Variants in PLXDC2 observed in about 807,000 individuals in gnomAD.
PLXDC2 encodes plexin domain-containing protein 2.
Under a neutral mutation model 68.9 loss-of-function variants are expected in PLXDC2, and 40 were observed. That is an observed-to-expected ratio of 0.58 (90% CI 0.45 to 0.76). The LOEUF (loss-of-function observed/expected upper bound fraction) is 0.76, where lower values mean the gene tolerates loss of function less well. PLXDC2 is among the 30% of genes least tolerant of loss of function. The probability of loss-of-function intolerance (pLI) is 0.00; values close to 1 mark genes in which losing one functional copy is unlikely to be tolerated. For synonymous variants in PLXDC2, 243 were observed against 234.2 expected (o/e 1.04, Z -0.34); for missense variants, 644 against 661.9 (o/e 0.97, Z 0.30).
intron 1 of PLXDC2, among the ~76,000 whole-genome samples, chr10:19,906,300 C>A (rs906185666): frequency 6.6e-6 from 1 of 152,082 alleles, no homozygotes; most frequent in East Asian, 1.9e-4. Context: ...TCACAGATCC[C>A]AGGAGAAGGA....
chr10:20,166,402 C>G (rs1473554049), intron 7 of PLXDC2, among the ~76,000 whole-genome samples: 1 of 152,056 alleles, frequency 6.6e-6, no homozygotes, highest in Admixed American at 6.6e-5. Context: ...CTAAATTGTA[C>G]TGTGAACAAA....
At chr10:19,964,894 C>T (rs1834223076) in intron 1 of PLXDC2, among the ~76,000 whole-genome samples, 1 of 152,162 alleles carries the variant, frequency 6.6e-6, no homozygotes, top group Admixed American at 6.5e-5. Context: ...CTGTTGCAAC[C>T]ACTTTGCAAT....
chr10:19,876,163 A>T (rs1837627268), intron 1 of PLXDC2, among the ~76,000 whole-genome samples: 1 of 152,084 alleles, frequency 6.6e-6, no homozygotes, highest in Non-Finnish European at 1.5e-5. Context: ...ACCAGAAGGA[A>T]AAAAAATAGG....
chr10:20,028,137 G>T (rs746223857), intron 2 of PLXDC2, among the ~76,000 whole-genome samples: 4 of 152,186 alleles, frequency 2.6e-5, no homozygotes, highest in South Asian at 4.1e-4. Flanking sequence ...GGACATTTCA[G>T]CTAATTGGTG....
At chr10:20,040,143 A>G (rs996924226) in intron 2 of PLXDC2, among the ~76,000 whole-genome samples, 1 of 152,128 alleles carries the variant, frequency 6.6e-6, no homozygotes, top group African/African-American at 2.4e-5. Context: ...CAGCTCTGGA[A>G]AACAAGAAAC....
rs370322989 is a variant in PLXDC2, at chr10:20,287,059, A to C, written c.*7240A>C. On this transcript the variant is annotated 3_prime_UTR_variant, in exon 14 of 14. Coordinates refer to ENST00000377252, the MANE Select transcript of PLXDC2 (RefSeq NM_032812.9). ...CTTCTTAAGAGCAATGTGCTAATAA[A>C]TACTCATTGATGACCAGCTCAAATT... The C allele has an allele frequency of 4.6e-5, 7 of 152,190 alleles. No individual in the cohort carries two copies. The highest frequency in any genetic ancestry group is 1.7e-4 in the African/African-American group (7 of 41,428). 9.4% of individuals were successfully genotyped at this position (152,190 alleles called of 1,614,324 possible). A position where few individuals can be genotyped will look rare whatever the true frequency, so the allele number is the denominator to read the frequency against.
intron 1 of PLXDC2, among the ~76,000 whole-genome samples, chr10:19,980,913 T>C (rs1410553583): frequency 1.3e-5 from 2 of 152,222 alleles, no homozygotes; most frequent in Non-Finnish European, 2.9e-5. Flanking sequence ...TTTTGTTGTA[T>C]TTTTCACTTT....
At chr10:20,044,207 C>CTCTTTCTTTCTTTCTT (rs1564293827) in intron 2 of PLXDC2, among the ~76,000 whole-genome samples, 3 of 89,958 alleles carry the variant, frequency 3.3e-5, no homozygotes, top group Non-Finnish European at 6.6e-5. Context: ...CTCTCTCTCT[C>CTCTTTCTTTCTTTCTT]TCTGTCTTTC....
intron 12 of PLXDC2, among the ~76,000 whole-genome samples, chr10:20,243,005 C>A (rs1835538123): frequency 6.6e-6 from 1 of 152,198 alleles, no homozygotes; most frequent in African/African-American, 2.4e-5. Context: ...AGCCACCACG[C>A]CTGGCTCCAA....
At chr10:19,987,843 C>T (rs1834673617) in intron 1 of PLXDC2, among the ~76,000 whole-genome samples, 1 of 152,150 alleles carries the variant, frequency 6.6e-6, no homozygotes, top group Non-Finnish European at 1.5e-5. Flanking sequence ...GCTGGGATTA[C>T]AGGCGTGAGC....
chr10:20,062,164 G>A lies in PLXDC2; in HGVS notation c.472-6006G>A, dbSNP rs187657823. ...AAATAGGCTGGGCACGGTGGCTCACGCCTGTAATCCCAGCACTTTGGGAGG... is the reference window on the plus strand; with the variant it reads ...AAATAGGCTGGGCACGGTGGCTCACACCTGTAATCCCAGCACTTTGGGAGG... On this transcript the variant is annotated intron_variant, in intron 3 of 13. Coordinates refer to ENST00000377252, the MANE Select transcript of PLXDC2 (RefSeq NM_032812.9). 5.3e-5 allele frequency among the ~76,000 whole-genome samples: 8 copies of A among 152,242 alleles called. No homozygotes were observed. In the East Asian group the frequency reaches 9.7e-4, roughly 18 times the overall value.
At chr10:20,151,692 T>C (rs2131801836) in intron 6 of PLXDC2, among the ~76,000 whole-genome samples, 1 of 152,268 alleles carries the variant, frequency 6.6e-6, no homozygotes, top group East Asian at 1.9e-4. Flanking sequence ...ATCACACAAT[T>C]ACAAGTATAG....
At chr10:20,236,777 A>C (rs984999803) in intron 12 of PLXDC2, among the ~76,000 whole-genome samples, 3 of 152,210 alleles carry the variant, frequency 2.0e-5, no homozygotes, top group Admixed American at 2.0e-4. Context: ...ATCAAAGCTC[A>C]CTGCAGCCTT....
intron 1 of PLXDC2, among the ~76,000 whole-genome samples, chr10:19,974,535 G>A (rs1295947931): frequency 1.3e-5 from 2 of 152,244 alleles, no homozygotes; most frequent in Admixed American, 6.5e-5. Context: ...TGGAAGTGAA[G>A]TCAAGAATTA....
intron 4 of PLXDC2, among the ~76,000 whole-genome samples, chr10:20,103,184 T>C (rs1293901011): frequency 6.6e-6 from 1 of 152,142 alleles, no homozygotes; most frequent in African/African-American, 2.4e-5. Context: ...CCCAAAATAT[T>C]TTAATTTTTA....
Position 20,126,262 on chromosome 10 carries a change from A to G in PLXDC2, c.542-17033A>G, listed in dbSNP as rs186647418. Among the ~76,000 whole-genome samples the G allele has an allele frequency of 1.1e-3, 157 of 146,898 alleles. 1 individual carries two copies. Among genetic ancestry groups the G allele is most frequent in the Non-Finnish European group, 1.7e-3 (116 of 66,882 alleles). ...TATAATACATATATACATATACGTT[A>G]TATAATACATATATACATATACGTT... On this transcript the variant is annotated intron_variant, in intron 4 of 13. Coordinates refer to ENST00000377252, the MANE Select transcript of PLXDC2 (RefSeq NM_032812.9).
intron 1 of PLXDC2, among the ~76,000 whole-genome samples, chr10:19,941,312 C>A (rs1248307544): frequency 6.6e-6 from 1 of 152,196 alleles, no homozygotes; most frequent in African/African-American, 2.4e-5. Flanking sequence ...CCAAGACGGG[C>A]CAATCAGAGC....
At chr10:19,850,398 T>C (rs969290546) in intron 1 of PLXDC2, among the ~76,000 whole-genome samples, 4 of 152,180 alleles carry the variant, frequency 2.6e-5, no homozygotes, top group Non-Finnish European at 5.9e-5. Flanking sequence ...GTCTCCGTAC[T>C]TCATAATATT....
intron 2 of PLXDC2, among the ~76,000 whole-genome samples, chr10:20,042,577 T>G (rs76381057): frequency 0.029 from 3,175 of 108,298 alleles, 105 homozygotes; most frequent in African/African-American, 0.1. Flanking sequence ...CATACAATAT[T>G]TATTTGATCT....
Sources: gnomAD v4.1 joint callset for allele counts (sites outside exome capture counted in the v4.1 genomes callset) on GRCh38, gnomAD v4.1.1 for gene constraint, MANE v1.5 for transcripts, NCBI Gene and HGNC (gene_info 2026-07-23, HGNC 2026-07-21) for gene names.